GRIK2: variants seen among roughly 807,000 people sequenced by gnomAD.
GRIK2 encodes glutamate ionotropic receptor kainate type subunit 2, also known as glutamate receptor ionotropic, kainate 2.
A neutral mutation model predicts 100.3 loss-of-function variants in GRIK2; 32 were observed. That is an observed-to-expected ratio of 0.32 (90% confidence interval 0.24 to 0.43). The LOEUF (loss-of-function observed/expected upper bound fraction) is 0.43. Ranked by LOEUF, GRIK2 falls within the 20% of genes least tolerant of loss-of-function variation. The pLI, the probability that GRIK2 is intolerant of heterozygous loss-of-function variation, is 1.00. For synonymous variants in GRIK2, 417 were observed against 389.4 expected, an observed-to-expected ratio of 1.07 and a Z score of -0.83; for missense variants, 843 against 1,114.9, an observed-to-expected ratio of 0.76 and a Z score of 3.47.
At chr6:101,642,592 C>T (rs1194438299) in intron 4 of GRIK2, among the ~76,000 whole-genome samples, 1 of 151,638 alleles carries the variant, frequency 6.6e-6, no homozygotes, top group Non-Finnish European at 1.5e-5. Context: ...TTTTAAGGCT[C>T]AATTATATTC....
In GRIK2 at chr6:101,676,654, T is replaced by C; in HGVS notation, c.573T>C (p.Ala191=). ...GLIRLQELIK[A]PSRYNLRLKI... ...TTCGTTTGCAAGAGCTCATCAAAGC[T>C]CCATCAAGGTATAATCTTCGACTCA... Residue 191 remains alanine, a synonymous_variant, in exon 5 of 17, where the codon GCT becomes GCC. Coordinates refer to ENST00000369134, the MANE Select transcript of GRIK2 (RefSeq NM_021956.5). The C allele has an allele frequency of 6.3e-7, 1 of 1,591,048 alleles. No individual in the cohort carries two copies. The highest frequency in any genetic ancestry group is 2.3e-5 in the East Asian group (1 of 43,830).
chr6:101,633,738 A>AATACAC (rs1018901500), intron 4 of GRIK2, among the ~76,000 whole-genome samples: 8 of 152,158 alleles, frequency 5.3e-5, no homozygotes, highest in African/African-American at 1.4e-4. Context: ...TTTCTCTACA[A>AATACAC]ATACACATAC....
At chr6:101,677,317 A>G (rs1770913506) in intron 5 of GRIK2, among the ~76,000 whole-genome samples, 2 of 152,276 alleles carry the variant, frequency 1.3e-5, no homozygotes, top group South Asian at 2.1e-4. Context: ...AACTTGACCA[A>G]TGTCAAGTAG....
intron 4 of GRIK2, among the ~76,000 whole-genome samples, chr6:101,642,645 T>A (rs6925691): frequency 0.32 from 49,076 of 151,506 alleles, 8,314 homozygotes; most frequent in African/African-American, 0.42. Context: ...ATTCATCAAA[T>A]ACTTGGGTTG....
At chr6:101,477,271 C>G (rs964161495) in intron 2 of GRIK2, among the ~76,000 whole-genome samples, 5 of 151,996 alleles carry the variant, frequency 3.3e-5, no homozygotes, top group African/African-American at 1.2e-4. Context: ...CATACCTGGG[C>G]TCTGAGTTAA....
chr6:101,501,766 T>C (rs1773758220), intron 2 of GRIK2, among the ~76,000 whole-genome samples: 1 of 152,168 alleles, frequency 6.6e-6, no homozygotes, highest in Non-Finnish European at 1.5e-5. Flanking sequence ...TTTGTTTTGT[T>C]TTGTTTTCCA....
At chr6:101,532,400 C>A (rs772934317) in intron 2 of GRIK2, among the ~76,000 whole-genome samples, 17 of 151,868 alleles carry the variant, frequency 1.1e-4, no homozygotes. Context: ...CATGTACATG[C>A]CTGTGGAACA....
chr6:101,508,482 T>C (rs1340871555), intron 2 of GRIK2, among the ~76,000 whole-genome samples: 1 of 152,124 alleles, frequency 6.6e-6, no homozygotes, highest in East Asian at 1.9e-4. Flanking sequence ...TATAACAGAT[T>C]ATATAGAAAA....
At chr6:101,549,823 T>A (rs1395853083) in intron 2 of GRIK2, among the ~76,000 whole-genome samples, 2 of 152,198 alleles carry the variant, frequency 1.3e-5, no homozygotes, top group Non-Finnish European at 2.9e-5. Flanking sequence ...GCCTTTTAAT[T>A]CTCACAACAA....
chr6:102,051,487 G>A (rs1771193333), intron 15 of GRIK2, among the ~76,000 whole-genome samples: 1 of 152,120 alleles, frequency 6.6e-6, no homozygotes, highest in South Asian at 2.1e-4. Flanking sequence ...ATTAGAGATT[G>A]AAATGAAGAT....
chr6:102,027,282 G>A (rs1477104555), intron 14 of GRIK2, among the ~76,000 whole-genome samples: 1 of 151,162 alleles, frequency 6.6e-6, no homozygotes, highest in African/African-American at 2.4e-5. Context: ...AAATTAGTTT[G>A]CTTTTAGCAA....
intron 2 of GRIK2, among the ~76,000 whole-genome samples, chr6:101,560,592 TAAAC>T (rs773610969): frequency 3.3e-5 from 5 of 152,066 alleles, no homozygotes; most frequent in Non-Finnish European, 7.4e-5. Flanking sequence ...AATTGATAAT[TAAAC>T]AACAATATAT....
chr6:101,441,475 T>C (rs921720438), intron 2 of GRIK2, among the ~76,000 whole-genome samples: 1 of 152,208 alleles, frequency 6.6e-6, no homozygotes, highest in Non-Finnish European at 1.5e-5. Context: ...TCTTTTATCT[T>C]AAAACTGTAT....
intron 7 of GRIK2, among the ~76,000 whole-genome samples, chr6:101,760,175 T>C (rs9404141): frequency 0.29 from 42,200 of 146,464 alleles, 8,571 homozygotes; most frequent in East Asian, 0.72. Context: ...GGCCAGCATT[T>C]TATTTTTTAA....
chr6:101,800,295 A>C (rs1001702851), intron 8 of GRIK2, among the ~76,000 whole-genome samples: 4 of 151,840 alleles, frequency 2.6e-5, no homozygotes, highest in Non-Finnish European at 5.9e-5. Flanking sequence ...AACCATTCTT[A>C]TGACCATATA....
In GRIK2 at chr6:101,802,423, A is replaced by G; in HGVS notation, c.1188A>G (p.Glu396=). Reference sequence around the variant, plus strand: ...ATTTGGATGTGATCAGTCTGAAGGAAGAAGGTCTAGAAAAGGTATTTCAGT... The same window carrying G: ...ATTTGGATGTGATCAGTCTGAAGGAGGAAGGTCTAGAAAAGGTATTTCAGT... The part of the protein sequence containing the change: ...DFDLDVISLK[E]EGLEKIGTWD... The change falls in exon 9 of 17, where the codon GAA becomes GAG. Residue 396 remains glutamate (E), a synonymous_variant. Coordinates refer to ENST00000369134, the MANE Select transcript of GRIK2 (RefSeq NM_021956.5). The G allele has an allele frequency of 1.3e-6, 2 of 1,526,744 alleles. No homozygotes were observed. Among genetic ancestry groups the G allele is most frequent in the Non-Finnish European group, 1.8e-6 (2 of 1,117,876 alleles). 94.6% of individuals were successfully genotyped at this position (1,526,744 alleles called of 1,614,324 possible). A position where few individuals can be genotyped will look rare whatever the true frequency, so the allele number is the denominator to read the frequency against.
chr6:102,008,167 C>G (rs534020780), intron 14 of GRIK2, among the ~76,000 whole-genome samples: 4 of 151,930 alleles, frequency 2.6e-5, no homozygotes, highest in Non-Finnish European at 5.9e-5. Context: ...GTGAGGAAAC[C>G]ATTGGTCTGT....
At chr6:101,636,513 G>T (rs1219243588) in intron 4 of GRIK2, among the ~76,000 whole-genome samples, 3 of 151,572 alleles carry the variant, frequency 2.0e-5, no homozygotes, top group Non-Finnish European at 4.4e-5. Context: ...AAAAAGAAAA[G>T]AAAATTATTT....
At chr6:101,760,492 AAT>A (rs1299264800) in intron 7 of GRIK2, among the ~76,000 whole-genome samples, 1 of 49,130 alleles carries the variant, frequency 2.0e-5, no homozygotes, top group Non-Finnish European at 3.3e-5. Flanking sequence ...ATATATAATT[AAT>A]TATATTTAAT....
Sources: allele counts gnomAD v4.1 joint callset (sites outside exome capture counted in the v4.1 genomes callset), GRCh38; gene constraint gnomAD v4.1.1; transcripts MANE v1.5; gene names NCBI Gene and HGNC (gene_info 2026-07-23, HGNC 2026-07-21).